Variants in ABI1 observed in about 807,000 individuals in gnomAD.
The protein encoded by ABI1 is abl interactor 1.
In ABI1, 14 loss-of-function variants were observed where a neutral mutation model predicts 54.6. The ratio of observed to expected loss-of-function variants is 0.26; its 90% CI spans 0.17 to 0.40. The LOEUF is 0.40. Ranked by LOEUF, ABI1 falls within the 10% of genes least tolerant of loss-of-function variation. ABI1 has a pLI of 1.00. For synonymous variants in ABI1, 194 were observed against 209.3 expected, an observed-to-expected ratio of 0.93 and a Z score of 0.63; for missense variants, 443 against 598.3, an observed-to-expected ratio of 0.74 and a Z score of 2.71.
intron 1 of ABI1, among the ~76,000 whole-genome samples, chr10:26,827,045 C>G (rs2048345036): frequency 6.6e-6 from 1 of 151,886 alleles, no homozygotes; most frequent in Non-Finnish European, 1.5e-5. Context: ...TCCCAAGTAG[C>G]TGGGACTACA....
intron 1 of ABI1, among the ~76,000 whole-genome samples, chr10:26,855,693 G>A (rs2050741792): frequency 1.3e-5 from 2 of 152,134 alleles, no homozygotes; most frequent in Non-Finnish European, 1.5e-5. Flanking sequence ...GTTTAGGGCC[G>A]GGTGCGGTGG....
chr10:26,784,697 A>T (rs1842521954), intron 2 of ABI1, among the ~76,000 whole-genome samples: 1 of 152,192 alleles, frequency 6.6e-6, no homozygotes, highest in Non-Finnish European at 1.5e-5. Flanking sequence ...CCAAGGGAAA[A>T]ATCACTATAA....
chr10:26,827,839 CA>C (rs1301072556), intron 1 of ABI1, among the ~76,000 whole-genome samples: 1 of 152,086 alleles, frequency 6.6e-6, no homozygotes, highest in East Asian at 1.9e-4. Context: ...TGATTCCACC[CA>C]CCTCAGCCTC....
intron 10 of ABI1, among the ~76,000 whole-genome samples, chr10:26,749,912 A>G (rs993035732): frequency 1.3e-5 from 2 of 152,244 alleles, no homozygotes; most frequent in African/African-American, 4.8e-5. Context: ...ATCTGGCTTT[A>G]TACCAAACAA....
chr10:26,754,303 C>CT (rs1348290858), intron 9 of ABI1, among the ~76,000 whole-genome samples: 1 of 152,224 alleles, frequency 6.6e-6, no homozygotes, highest in Non-Finnish European at 1.5e-5. Context: ...GCACATGCCA[C>CT]TACACCTGGC....
chr10:26,833,769 T>TACACAA (rs2048841237), intron 1 of ABI1, among the ~76,000 whole-genome samples: 2 of 150,184 alleles, frequency 1.3e-5, no homozygotes, highest in African/African-American at 4.9e-5. Flanking sequence ...ACAATATTTA[T>TACACAA]ACACACACAC....
Position 26,858,146 on chromosome 10 carries a change from G to A in ABI1, c.117+2601C>T, listed in dbSNP as rs527473613. Among the ~76,000 whole-genome samples the A allele has an allele frequency of 4.6e-5, 7 of 152,110 alleles. No homozygotes were observed. The East Asian group carries it at 5.8e-4, about 13-fold the overall frequency. On this transcript the variant is annotated intron_variant, in intron 1 of 10. Coordinates refer to ENST00000376140, the MANE Select transcript of ABI1 (RefSeq NM_001012750.3). ...TTATTTAAAAATTCTCAAAGCACAC[G>A]TGAACTGCATACTTTCACTGAGAAG...
At chr10:26,810,331 A>G (rs1251787466) in intron 2 of ABI1, among the ~76,000 whole-genome samples, 1 of 152,120 alleles carries the variant, frequency 6.6e-6, no homozygotes, top group African/African-American at 2.4e-5. Context: ...TCATCATGCA[A>G]TCTGCACCAG....
At chr10:26,845,047 G>C (rs1564576445) in intron 1 of ABI1, among the ~76,000 whole-genome samples, 1 of 151,802 alleles carries the variant, frequency 6.6e-6, no homozygotes, top group African/African-American at 2.4e-5. Flanking sequence ...GAGGGGAGAG[G>C]ATAATAGCAG....
rs1019770850 is a variant in ABI1, at chr10:26,836,444, A to G, written c.118-13139T>C. Among the ~76,000 whole-genome samples, 4 of 152,174 alleles carry G rather than the reference A, an allele frequency of 2.6e-5. No homozygotes were observed. The East Asian group carries it at 7.7e-4, about 29-fold the overall frequency. ...TAGTATCTTAGTGGAAACCGACAACATGTATTTGTGTAAACAGTGTGACCT... is the reference window on the plus strand; with the variant it reads ...TAGTATCTTAGTGGAAACCGACAACGTGTATTTGTGTAAACAGTGTGACCT... On this transcript the variant is annotated intron_variant, in intron 1 of 10. Transcript: ENST00000376140.
chr10:26,756,567 T>C (rs1838335180), intron 8 of ABI1, among the ~76,000 whole-genome samples: 1 of 152,176 alleles, frequency 6.6e-6, no homozygotes, highest in African/African-American at 2.4e-5. Flanking sequence ...CACATTCATA[T>C]GCATTTGTGG....
At chr10:26,810,409 A>T (rs1169965398) in intron 2 of ABI1, among the ~76,000 whole-genome samples, 1 of 151,656 alleles carries the variant, frequency 6.6e-6, no homozygotes, top group East Asian at 1.9e-4. Flanking sequence ...AAATTATCTT[A>T]AAAAAAAATG....
chr10:26,749,261 G>C (rs1386624465), intron 10 of ABI1, among the ~76,000 whole-genome samples: 1 of 152,070 alleles, frequency 6.6e-6, no homozygotes, highest in Non-Finnish European at 1.5e-5. Context: ...TTACTTTAAA[G>C]GATTTTAATT....
At chr10:26,857,098 T>A (rs111437134) in intron 1 of ABI1, among the ~76,000 whole-genome samples, 34 of 151,972 alleles carry the variant, frequency 2.2e-4, no homozygotes, top group African/African-American at 8.2e-4. Context: ...GGAGGGCAGA[T>A]CACCTAAGGT....
At chr10:26,752,178 G>C (rs902396436) in intron 9 of ABI1, among the ~76,000 whole-genome samples, 2 of 152,100 alleles carry the variant, frequency 1.3e-5, no homozygotes, top group Non-Finnish European at 2.9e-5. Flanking sequence ...TTAATGGTTT[G>C]ATCACTCTTC....
At chr10:26,773,570 AT>A (rs1841014087) in intron 3 of ABI1, among the ~76,000 whole-genome samples, 1 of 152,064 alleles carries the variant, frequency 6.6e-6, no homozygotes, top group Admixed American at 6.5e-5. Flanking sequence ...TTAAAAAAAA[AT>A]CTTCCTATGT....
Position 26,860,848 on chromosome 10 carries a change from T to C in ABI1, c.16A>G (p.Met6Val). MAELQMLLEEEIPSGK... is the reference protein window; with the variant it reads MAELQVLLEEEIPSGK... The stretch of plus-strand genomic sequence containing the variant: ...GACGGGATCTCCTCCTCTAGTAACA[T>C]CTGCAGCTCTGCCATTTTCCACCCC... Residue 6 changes from methionine (M) to valine (V), a missense_variant, in exon 1 of 11, where the codon ATG becomes GTG. This residue lies in a region of ABI1 where 394 missense variants were observed against 484.8 expected (regional missense o/e 0.81). Transcript: ENST00000376140. This position sits in a 1 kb window ranked among gnomAD's most constrained non-coding sequence, Gnocchi z 4.1. The C allele has an allele frequency of 1.2e-6, 2 of 1,614,058 alleles. No homozygotes were observed. The highest frequency in any genetic ancestry group is 1.1e-5 in the South Asian group (1 of 91,078).
chr10:26,853,687 C>T (rs1421238628), intron 1 of ABI1, among the ~76,000 whole-genome samples: 1 of 151,648 alleles, frequency 6.6e-6, no homozygotes. Context: ...TACAGATGCC[C>T]GCCACCACAC....
intron 1 of ABI1, among the ~76,000 whole-genome samples, chr10:26,842,754 G>T (rs1422607571): frequency 6.6e-6 from 1 of 152,146 alleles, no homozygotes; most frequent in African/African-American, 2.4e-5. Flanking sequence ...TAATAAATTA[G>T]AGCCACAAGA....
Sources: gnomAD v4.1 joint callset for allele counts (sites outside exome capture counted in the v4.1 genomes callset) on GRCh38, gnomAD v4.1.1 for gene constraint, gnomAD v4.1.1 regional missense constraint, Gnocchi (gnomAD v3.1) non-coding constraint, MANE v1.5 for transcripts, NCBI Gene and HGNC (gene_info 2026-07-23, HGNC 2026-07-21) for gene names.